The following MYH3 variants were observed in gnomAD, a reference collection of about 807,000 sequenced individuals.
The protein encoded by MYH3 is myosin heavy chain 3.
MYH3 carries 130 observed loss-of-function variants against 238.0 expected under a neutral mutation model. The ratio of observed to expected loss-of-function variants is 0.55; its 90% confidence interval spans 0.47 to 0.63. MYH3 has a LOEUF of 0.63. Ranked by LOEUF, MYH3 falls within the 30% of genes least tolerant of loss-of-function variation. The pLI is 0.00. For missense variants in MYH3, 1,853 were observed against 2,374.9 expected (o/e 0.78, Z 4.57); for synonymous variants, 880 against 924.1 (o/e 0.95, Z 0.86).
rs778941164 is a variant in MYH3, at chr17:10,651,606, G to A, written c.411C>T (p.Pro137=). 39 of 1,613,998 alleles carry A rather than the reference G, an allele frequency of 2.4e-5. No individual in the cohort carries two copies. The highest frequency in any genetic ancestry group is 6.6e-5 in the South Asian group (6 of 91,082). The part of the protein sequence containing the change: ...NPYKWLPVYN[P]EVVEGYRGKK... ...TGCCTCGGTAGCCTTCCACCACCTC[G>A]GGGTTGTACACCGGCAGCCACTTGT... The change falls in exon 5 of 41, where the codon CCC becomes CCT. Residue 137 remains proline, a synonymous_variant. Coordinates refer to ENST00000583535, the MANE Select transcript of MYH3 (RefSeq NM_002470.4).
rs372032475 is a variant in MYH3 at position 10,649,684 on chromosome 17, C to T, written c.535G>A (p.Gly179Arg). Residue 179 changes from glycine to arginine, a missense_variant and splice_region_variant, in exon 7 of 41, where the codon GGA (glycine) becomes AGA (arginine). This residue lies in a region of MYH3 where 678 missense variants were observed against 1,058.9 expected (regional missense o/e 0.64). Coordinates refer to ENST00000583535, the MANE Select transcript of MYH3 (RefSeq NM_002470.4). ...ACAGTCTTTCCTGCCCCGGATTCTCCGCTGTACAGAGTGATCAAAAGAGAG... is the reference window on the plus strand; with the variant it reads ...ACAGTCTTTCCTGCCCCGGATTCTCTGCTGTACAGAGTGATCAAAAGAGAG... ...DRENQSILIT[G>R]ESGAGKTVNT... 4 of 1,613,650 alleles carry T rather than the reference C, an allele frequency of 2.5e-6. No homozygotes were observed. Among genetic ancestry groups the T allele is most frequent in the Non-Finnish European group, 3.4e-6 (4 of 1,179,686 alleles).
intron 19 of MYH3, 142 bp from the exon 20 acceptor site, chr17:10,640,828 G>T: frequency 9.1e-7 from 1 of 1,101,706 alleles, no homozygotes; most frequent in Non-Finnish European, 1.3e-6. Flanking sequence ...CACATTGCTA[G>T]AGAGCAGTCT....
chr17:10,634,445 T>C (rs1199827086), intron 31 of MYH3, among the ~76,000 whole-genome samples: 1 of 152,162 alleles, frequency 6.6e-6, no homozygotes, highest in African/African-American at 2.4e-5. Flanking sequence ...TTTCCTAATA[T>C]AAAAAGGGCC....
intron 10 of MYH3, among the ~76,000 whole-genome samples, 164 bp downstream of exon 10, chr17:10,647,018 C>G (rs1312473816): frequency 6.6e-6 from 1 of 151,990 alleles, no homozygotes; most frequent in Admixed American, 6.6e-5. Context: ...CCACTGCACC[C>G]CAGCCTGGGC....
chr17:10,669,477 G>T, the MYH3 span, among the ~76,000 whole-genome samples: 1 of 151,202 alleles, frequency 6.6e-6, no homozygotes, highest in South Asian at 2.1e-4. Context: ...TGAGGCAGGA[G>T]AATCGCTTGA....
chr17:10,639,177 G>C lies in MYH3; in HGVS notation c.3115C>G (p.Leu1039Val), dbSNP rs772713546. 6.2e-7 allele frequency: 1 copy of C among 1,614,094 alleles called. No individual in the cohort carries two copies. Among genetic ancestry groups the C allele is most frequent in the South Asian group, 1.1e-5 (1 of 91,066 alleles). Reference protein sequence around the residue: ...EQQVEDLESSLEQEKKLRVDL... With the variant: ...EQQVEDLESSVEQEKKLRVDL... ...ACTCGGAGCTTCTTTTCTTGTTCTA[G>C]GGAGCTTTCCAGCTGAAAAAGGCAC... Residue 1039 changes from leucine (L) to valine (V), a missense_variant, in exon 25 of 41, where the codon CTA (leucine) becomes GTA (valine). This residue lies in a region of MYH3 where 1,044 missense variants were observed against 1,192.6 expected (regional missense o/e 0.88). Coordinates refer to ENST00000583535, the MANE Select transcript of MYH3 (RefSeq NM_002470.4).
At chr17:10,629,383 T>C (rs1172365259) in intron 40 of MYH3, among the ~76,000 whole-genome samples, 1 of 152,094 alleles carries the variant, frequency 6.6e-6, no homozygotes, top group South Asian at 2.1e-4. Context: ...GGCTGCATAG[T>C]ATTCCATGGT....
In MYH3 at chr17:10,631,680, C is replaced by A; in HGVS notation, c.5217G>T (p.Gln1739His). ...KKLETDLMQL[Q>H]SEVEDASRDA... ...CCCTGCTGGCATCTTCTACCTCACT[C>A]TGGAGCTGCATGAGGTCTGTCTCCA... The change falls in exon 36 of 41, where the codon CAG becomes CAT. Residue 1739 changes from glutamine to histidine, a missense_variant. Physicochemically the swap from Gln to His is conservative, Grantham distance 24. Around this residue, in one of 3 missense-constraint regions of MYH3, gnomAD observed 1,044 missense variants for 1,192.6 expected, o/e 0.88. Transcript: ENST00000583535. 1 of 1,614,194 alleles carries A rather than the reference C, an allele frequency of 6.2e-7. No homozygotes were observed. The highest frequency in any genetic ancestry group is 8.5e-7 in the Non-Finnish European group (1 of 1,180,038).
chr17:10,630,499 C>CCAGT (rs2074145378), intron 36 of MYH3, 41 bp from the exon 37 acceptor site: 1 of 1,613,554 alleles, frequency 6.2e-7, no homozygotes, highest in Admixed American at 1.7e-5. Context: ...AGAGGAAGCT[C>CCAGT]CAGTGCCTTG....
rs1024214436 is a variant in MYH3 at position 10,642,153 on chromosome 17, CAAA to C, written c.1959+84_1959+86del. On this transcript the variant is annotated intron_variant, in intron 17 of 40. Transcript: ENST00000583535. The surrounding 1 kb of genome is among the most constrained non-coding windows in gnomAD (Gnocchi z 5.4). ...CAGATTAAGACAACACTACTACTCT[CAAA>C]TAAATCAAGCTTAGAATCTCAGCAT... 25 of 1,267,072 alleles carry C rather than the reference CAAA, an allele frequency of 2.0e-5. No individual in the cohort carries two copies. The African/African-American group carries it at 3.7e-4, about 19-fold the overall frequency. 78.5% of individuals were successfully genotyped at this position (1,267,072 alleles called of 1,614,324 possible).
intron 1 of MYH3, among the ~76,000 whole-genome samples, chr17:10,656,537 C>CAAAAAAA (rs71139057): frequency 3.8e-4 from 21 of 55,872 alleles, no homozygotes; most frequent in African/African-American, 1.0e-3. Context: ...AATTCTGTCT[C>CAAAAAAA]AAAAAAAAAA....
Position 10,640,035 on chromosome 17 carries a change from C to T in MYH3, c.2643G>A (p.Leu881=), listed in dbSNP as rs922578557. 7 of 1,613,794 alleles carry T rather than the reference C, an allele frequency of 4.3e-6. No homozygotes were observed. Among genetic ancestry groups the T allele is most frequent in the Admixed American group, 3.3e-5 (2 of 59,980 alleles). Reference sequence around the variant, plus strand: ...GCTGCAGGTCATTCTTCTCTTGGACCAGAGTCACCAGTTTTTCCTCTAGCT... The same window carrying T: ...GCTGCAGGTCATTCTTCTCTTGGACTAGAGTCACCAGTTTTTCCTCTAGCT... ...RKELEEKLVT[L]VQEKNDLQLQ... The change falls in exon 22 of 41, where the codon CTG becomes CTA. Residue 881 remains leucine (L), a synonymous_variant. Transcript: ENST00000583535.
Position 10,653,777 on chromosome 17 carries a change from A to C in MYH3, c.204+1084T>G, listed in dbSNP as rs559361539. 1.2e-3 allele frequency among the ~76,000 whole-genome samples: 190 copies of C among 152,208 alleles called. 1 individual carries two copies. The highest frequency in any genetic ancestry group is 4.3e-3 in the African/African-American group (177 of 41,538). The stretch of plus-strand genomic sequence containing the variant: ...CTGCCTTCAAGCAGGGATTCATTCA[A>C]ACCATCCCGGCCAATGGGCCCTGGC... On this transcript the variant is annotated intron_variant, in intron 3 of 40. Coordinates refer to ENST00000583535, the MANE Select transcript of MYH3 (RefSeq NM_002470.4).
rs963650227 is a variant in MYH3 at position 10,631,948 on chromosome 17, C to G, written c.5025G>C (p.Val1675=). Reference sequence around the variant, plus strand: ...CCTGCAGCAGGTTGGCTCTGCGCTCCACAATCGCCAGCTGCTCCTTCAGGT... The same window carrying G: ...CCTGCAGCAGGTTGGCTCTGCGCTCGACAATCGCCAGCTGCTCCTTCAGGT... ...QEDLKEQLAI[V]ERRANLLQAE... Residue 1675 remains valine, a synonymous_variant, in exon 35 of 41, where the codon GTG becomes GTC. Coordinates refer to ENST00000583535, the MANE Select transcript of MYH3 (RefSeq NM_002470.4). The G allele has an allele frequency of 6.2e-7, 1 of 1,613,974 alleles. No homozygotes were observed. Among genetic ancestry groups the G allele is most frequent in the African/African-American group, 1.3e-5 (1 of 74,920 alleles).
Position 10,649,681 on chromosome 17 carries a change from C to G in MYH3, c.538G>C (p.Glu180Gln). 1 of 1,614,030 alleles carries G rather than the reference C, an allele frequency of 6.2e-7. No homozygotes were observed. Among genetic ancestry groups the G allele is most frequent in the Non-Finnish European group, 8.5e-7 (1 of 1,179,870 alleles). ...RENQSILITG[E>Q]SGAGKTVNTK... ...TTCACAGTCTTTCCTGCCCCGGATT[C>G]TCCGCTGTACAGAGTGATCAAAAGA... The change falls in exon 7 of 41, where the codon GAA becomes CAA. Residue 180 changes from glutamate to glutamine, a missense_variant. This residue lies in a region of MYH3 where 678 missense variants were observed against 1,058.9 expected (regional missense o/e 0.64). Transcript: ENST00000583535.
chr17:10,633,436 A>G (rs2074183795), intron 33 of MYH3, among the ~76,000 whole-genome samples, 155 bp downstream of exon 33: 2 of 152,234 alleles, frequency 1.3e-5, no homozygotes, highest in Admixed American at 6.5e-5. Flanking sequence ...GGTATTATTC[A>G]GCCTCACAGT....
the MYH3 span, chr17:10,673,027 T>C: frequency 6.8e-6 from 1 of 148,100 alleles, no homozygotes; most frequent in Middle Eastern, 3.4e-3. Flanking sequence ...TTTTTTGAGA[T>C]GGAGTCTTGC....
At chr17:10,658,022 C>T (rs904859316), upstream of MYH3, among the ~76,000 whole-genome samples, 8 of 152,112 alleles carry the variant, frequency 5.3e-5, no homozygotes, top group African/African-American at 1.9e-4. Flanking sequence ...GCTGCCAGCT[C>T]GTATTCCCGG....
chr17:10,654,998 C>T lies in MYH3; in HGVS notation c.67G>A (p.Glu23Lys). 1 of 1,614,230 alleles carries T rather than the reference C, an allele frequency of 6.2e-7. No individual in the cohort carries two copies. The highest frequency in any genetic ancestry group is 8.5e-7 in the Non-Finnish European group (1 of 1,180,044). ...GGCTGGTTCTGAGCCTCGATCCTCT[C>T]CTTTTCTGACTTCCGGAGGAAAGGA... ...AAPFLRKSEK[E>K]RIEAQNQPFD... The change falls in exon 3 of 41, where the codon GAG becomes AAG. Residue 23 changes from glutamate to lysine, a missense_variant. By Grantham distance (56) the Glu-to-Lys change is moderately conservative. This residue lies in a region of MYH3 where 131 missense variants were observed against 123.5 expected (regional missense o/e 1.06). Transcript: ENST00000583535. The surrounding 1 kb of genome is among the most constrained non-coding windows in gnomAD (Gnocchi z 4.5).
Sources: allele counts gnomAD v4.1 joint callset (sites outside exome capture counted in the v4.1 genomes callset), GRCh38; gene constraint gnomAD v4.1.1; regional missense constraint gnomAD v4.1.1; non-coding constraint Gnocchi (gnomAD v3.1); transcripts MANE v1.5; gene names NCBI Gene and HGNC (gene_info 2026-07-23, HGNC 2026-07-21).